GABRA2: variants seen among roughly 807,000 people sequenced by gnomAD.
The protein encoded by GABRA2 is gamma-aminobutyric acid receptor subunit alpha-2.
In GABRA2, 16 loss-of-function variants were observed where a neutral mutation model predicts 48.7. The ratio of observed to expected loss-of-function variants is 0.33; its 90% CI spans 0.22 to 0.50. GABRA2 has a LOEUF of 0.50. Among genes scored for constraint, GABRA2 ranks in the 20% least tolerant of loss-of-function variants. The probability of loss-of-function intolerance (pLI) is 0.98; values close to 1 mark genes in which losing one functional copy is unlikely to be tolerated. For missense variants in GABRA2, 275 were observed against 535.6 expected (o/e 0.51, Z 4.80); for synonymous variants, 185 against 184.5 (o/e 1.00, Z -0.02).
intron 3 of GABRA2, chr4:46,363,653 A>T (rs1015605931): frequency 3.9e-5 from 6 of 152,190 alleles, no homozygotes; most frequent in Non-Finnish European, 7.3e-5. Flanking sequence ...AGCTATGTTA[A>T]CATTTTGAGA....
intron 2 of GABRA2, 62 bp downstream of exon 2, chr4:46,388,574 T>C (rs1717791148): frequency 6.3e-7 from 1 of 1,577,586 alleles, no homozygotes; most frequent in African/African-American, 1.4e-5. Context: ...AAAGCATTAA[T>C]GGCCTACAAG....
At chr4:46,330,577 T>TAGAG (rs1214342569) in intron 4 of GABRA2, among the ~76,000 whole-genome samples, 4 of 122,776 alleles carry the variant, frequency 3.3e-5, no homozygotes, top group South Asian at 2.5e-4. Flanking sequence ...TATATATATA[T>TAGAG]ATATATATAT....
chr4:46,351,655 T>C (rs1168961377), intron 3 of GABRA2, among the ~76,000 whole-genome samples: 1 of 151,900 alleles, frequency 6.6e-6, no homozygotes, highest in Non-Finnish European at 1.5e-5. Context: ...GATAAGAAAA[T>C]AATCTTCCAA....
intron 3 of GABRA2, among the ~76,000 whole-genome samples, chr4:46,338,985 A>G (rs750212586): frequency 1.1e-4 from 17 of 151,886 alleles, no homozygotes; most frequent in Non-Finnish European, 1.9e-4. Flanking sequence ...AATCAGGTTT[A>G]TTGTTTCCTG....
chr4:46,311,153 A>T lies in GABRA2; in HGVS notation c.477-898T>A, dbSNP rs184679208. Among the ~76,000 whole-genome samples the T allele has an allele frequency of 7.9e-5, 12 of 152,318 alleles. No homozygotes were observed. The East Asian group carries it at 2.3e-3, about 29-fold the overall frequency. ...CTCATTGCCTTAGTTAATAGAAATG[A>T]TCAATGTACAAAGTCAACAGGGGCA... On this transcript the variant is annotated intron_variant, in intron 5 of 9. Coordinates refer to ENST00000381620, the MANE Select transcript of GABRA2 (RefSeq NM_000807.4).
intron 3 of GABRA2, among the ~76,000 whole-genome samples, chr4:46,345,503 T>C (rs113080526): frequency 4.6e-5 from 7 of 151,968 alleles, no homozygotes; most frequent in African/African-American, 1.7e-4. Flanking sequence ...TAGTGACTAA[T>C]GGGAGATGGA....
chr4:46,365,562 C>G (rs1345767847), intron 3 of GABRA2: 3 of 152,010 alleles, frequency 2.0e-5, no homozygotes, highest in Non-Finnish European at 2.9e-5. Context: ...TAATGAACAC[C>G]CAACATATGC....
intron 4 of GABRA2, among the ~76,000 whole-genome samples, chr4:46,325,182 GCTAAA>G (rs1486307263): frequency 1.3e-5 from 2 of 151,834 alleles, no homozygotes; most frequent in Non-Finnish European, 1.5e-5. Context: ...TTCCACAGTG[GCTAAA>G]CTAATTTACA....
chr4:46,255,424 GGAAA>G (rs1715622607), intron 9 of GABRA2, among the ~76,000 whole-genome samples: 2 of 151,350 alleles, frequency 1.3e-5, no homozygotes, highest in African/African-American at 4.8e-5. Flanking sequence ...TGTAAGACTG[GGAAA>G]TAATTAAACA....
At position 46,273,536 on chromosome 4, in the gene GABRA2, TG is replaced by T. The variant is rs1477645129; in HGVS notation, c.857-11409del. ...ATATATATATATATATATATATATA[TG>T]AGAGAGAGAGGGATACGTTTTGGAA... On this transcript the variant is annotated intron_variant, in intron 8 of 9. Transcript: ENST00000381620. Among the ~76,000 whole-genome samples, 257 of 26,582 alleles carry T rather than the reference TG, an allele frequency of 9.7e-3. 1 individual carries two copies. The highest frequency in any genetic ancestry group is 0.041 in the African/African-American group (239 of 5,860). 17.4% of individuals were successfully genotyped at this position (26,582 alleles called of 152,430 possible).
chr4:46,308,093 T>G (rs1458612488), intron 6 of GABRA2, among the ~76,000 whole-genome samples: 1 of 152,150 alleles, frequency 6.6e-6, no homozygotes, highest in Non-Finnish European at 1.5e-5. Context: ...ACCAACTGAT[T>G]CTTAATATTT....
chr4:46,295,254 G>A (rs577402528), intron 8 of GABRA2, among the ~76,000 whole-genome samples: 58 of 152,330 alleles, frequency 3.8e-4, no homozygotes, highest in Admixed American at 2.2e-3. Flanking sequence ...ACTTTGCATG[G>A]AAGGAAAACT....
chr4:46,373,446 T>C lies in GABRA2; in HGVS notation c.187+12628A>G, dbSNP rs145140874. Among the ~76,000 whole-genome samples the C allele has an allele frequency of 5.1e-4, 77 of 152,324 alleles. 1 individual carries two copies. In the East Asian group the frequency reaches 0.013, roughly 26 times the overall value. ...ACATTGTCTTTTCTCCCTCAAGAGTTCAGATAACTGTTATTCTGATGTATG... is the reference window on the plus strand; with the variant it reads ...ACATTGTCTTTTCTCCCTCAAGAGTCCAGATAACTGTTATTCTGATGTATG... On this transcript the variant is annotated intron_variant, in intron 3 of 9. Transcript: ENST00000381620.
intron 8 of GABRA2, among the ~76,000 whole-genome samples, chr4:46,265,511 C>G (rs1458912464): frequency 7.9e-6 from 1 of 127,378 alleles, no homozygotes; most frequent in Non-Finnish European, 1.5e-5. Flanking sequence ...TATGTTTTCT[C>G]TATGGTCAGA....
chr4:46,337,348 A>C (rs759938393), intron 3 of GABRA2, among the ~76,000 whole-genome samples: 1 of 152,086 alleles, frequency 6.6e-6, no homozygotes, highest in Non-Finnish European at 1.5e-5. Context: ...TGCAAAAGTC[A>C]AGTCCCACAA....
chr4:46,346,617 ATAT>A (rs1734187929), intron 3 of GABRA2, among the ~76,000 whole-genome samples: 1 of 148,346 alleles, frequency 6.7e-6, no homozygotes. Context: ...TTATACTTAA[ATAT>A]TATATTTATT....
rs151022186 is a variant in GABRA2 at position 46,321,965 on chromosome 4, C to A, written c.256-9249G>T. On this transcript the variant is annotated intron_variant, in intron 4 of 9. Transcript: ENST00000381620. ...AATAAGGAGGTCACTGAGAAGACAT[C>A]ACAAGTATGCCCCATGGGAGATCCA... 3.6e-3 allele frequency among the ~76,000 whole-genome samples: 548 copies of A among 152,070 alleles called. 2 individuals carry two copies. The highest frequency in any genetic ancestry group is 0.012 in the African/African-American group (497 of 41,516).
chr4:46,353,433 C>G (rs1034536358), intron 3 of GABRA2, among the ~76,000 whole-genome samples: 2 of 152,106 alleles, frequency 1.3e-5, no homozygotes, highest in African/African-American at 4.8e-5. Context: ...TGCCATGGCT[C>G]TGCCCAGAAC....
intron 8 of GABRA2, among the ~76,000 whole-genome samples, chr4:46,280,156 T>A (rs751831872): frequency 9.2e-5 from 14 of 152,030 alleles, no homozygotes; most frequent in Non-Finnish European, 1.6e-4. Context: ...TGGAAGATGA[T>A]CTATGCAATG....
Sources: allele counts gnomAD v4.1 joint callset (sites outside exome capture counted in the v4.1 genomes callset), GRCh38; gene constraint gnomAD v4.1.1; transcripts MANE v1.5; gene names NCBI Gene and HGNC (gene_info 2026-07-23, HGNC 2026-07-21).